The following CTNNA3 variants were observed in gnomAD, a reference collection of about 807,000 sequenced individuals.
The protein encoded by CTNNA3 is catenin alpha-3.
A neutral mutation model predicts 95.7 loss-of-function variants in CTNNA3; 76 were observed. The observed-to-expected ratio is 0.79, with a 90% confidence interval of 0.66 to 0.96. The LOEUF is 0.96. Ranked by LOEUF, CTNNA3 falls within the 40% of genes least tolerant of loss-of-function variation. The probability of loss-of-function intolerance (pLI) is 0.00; values close to 1 mark genes in which losing one functional copy is unlikely to be tolerated. For synonymous variants in CTNNA3, 431 were observed against 374.4 expected, an observed-to-expected ratio of 1.15 and a Z score of -1.74; for missense variants, 1,191 against 1,089.8, an observed-to-expected ratio of 1.09 and a Z score of -1.31.
At chr10:65,984,802 A>T (rs2078393857) in intron 16 of CTNNA3, among the ~76,000 whole-genome samples, 1 of 151,322 alleles carries the variant, frequency 6.6e-6, no homozygotes, top group Admixed American at 6.6e-5. Context: ...TAATACATGT[A>T]AATATGTGTC....
chr10:66,511,730 G>T (rs552502312), intron 11 of CTNNA3, among the ~76,000 whole-genome samples: 1 of 151,754 alleles, frequency 6.6e-6, no homozygotes, highest in Non-Finnish European at 1.5e-5. Context: ...GAGAATACAT[G>T]GTATAATTGC....
chr10:66,150,898 CA>C (rs1428355484), intron 13 of CTNNA3, among the ~76,000 whole-genome samples: 2 of 151,910 alleles, frequency 1.3e-5, no homozygotes, highest in Admixed American at 1.3e-4. Flanking sequence ...TGTAAGTGTA[CA>C]ATACAATTAT....
At chr10:66,484,923 T>C (rs1175586049) in intron 11 of CTNNA3, among the ~76,000 whole-genome samples, 1 of 152,112 alleles carries the variant, frequency 6.6e-6, no homozygotes, top group African/African-American at 2.4e-5. Context: ...GATGCAAGGA[T>C]GATTCAACCT....
At chr10:66,465,603 A>C (rs1838879489) in intron 11 of CTNNA3, among the ~76,000 whole-genome samples, 1 of 152,098 alleles carries the variant, frequency 6.6e-6, no homozygotes, top group South Asian at 2.1e-4. Flanking sequence ...TTACAGCCAA[A>C]TCTCATGTCA....
intron 5 of CTNNA3, among the ~76,000 whole-genome samples, chr10:67,439,281 C>A: frequency 6.6e-6 from 1 of 152,064 alleles, no homozygotes; most frequent in East Asian, 1.9e-4. Flanking sequence ...TAAAGAAATA[C>A]CTGAGGCTGA....
chr10:66,280,895 A>G (rs1284342226), intron 12 of CTNNA3, among the ~76,000 whole-genome samples: 1 of 151,852 alleles, frequency 6.6e-6, no homozygotes, highest in East Asian at 1.9e-4. Context: ...TTAAAAGATT[A>G]TCTTTCTCCT....
chr10:66,528,825 T>C lies in CTNNA3; in HGVS notation c.1375-8052A>G, dbSNP rs181304512. Among the ~76,000 whole-genome samples the C allele has an allele frequency of 5.4e-4, 82 of 152,272 alleles. 1 individual carries two copies. Among genetic ancestry groups the C allele is most frequent in the African/African-American group, 2.0e-3 (82 of 41,552 alleles). ...CAAAGACTGAATTATCTTCTCAGTTTCTACATAGAAAGTGACATTACAAAA... is the reference window on the plus strand; with the variant it reads ...CAAAGACTGAATTATCTTCTCAGTTCCTACATAGAAAGTGACATTACAAAA... On this transcript the variant is annotated intron_variant, in intron 10 of 17. Transcript: ENST00000433211.
At chr10:67,184,898 C>A (rs905075359) in intron 6 of CTNNA3, among the ~76,000 whole-genome samples, 3 of 152,070 alleles carry the variant, frequency 2.0e-5, no homozygotes, top group Non-Finnish European at 4.4e-5. Context: ...AAATAAATCC[C>A]ATTCTGACAT....
chr10:67,662,948 T>G (rs940751406), intron 1 of CTNNA3, among the ~76,000 whole-genome samples: 1 of 152,260 alleles, frequency 6.6e-6, no homozygotes, highest in African/African-American at 2.4e-5. Flanking sequence ...CATTATTTCA[T>G]TCACTATATA....
At chr10:66,996,603 G>A (rs940197577) in intron 7 of CTNNA3, among the ~76,000 whole-genome samples, 23 of 123,696 alleles carry the variant, frequency 1.9e-4, no homozygotes, top group African/African-American at 6.6e-4. Context: ...GGTCAAGATC[G>A]CACCACTGCA....
chr10:67,094,630 A>G (rs1040865072), intron 7 of CTNNA3, among the ~76,000 whole-genome samples: 2 of 151,812 alleles, frequency 1.3e-5, no homozygotes, highest in Non-Finnish European at 2.9e-5. Flanking sequence ...CAAAAGAATA[A>G]ACATACCTTG....
intron 5 of CTNNA3, among the ~76,000 whole-genome samples, chr10:67,345,826 A>G (rs895989575): frequency 2.6e-5 from 4 of 151,938 alleles, no homozygotes; most frequent in African/African-American, 9.7e-5. Flanking sequence ...ATTTACATTC[A>G]ATGTTATTAT....
chr10:66,901,436 A>G (rs554445288), intron 7 of CTNNA3, among the ~76,000 whole-genome samples: 47 of 152,386 alleles, frequency 3.1e-4, no homozygotes, highest in African/African-American at 1.1e-3. Context: ...CAAATTCTAA[A>G]GACCATAGAT....
At chr10:66,066,192 T>C (rs2080309936) in intron 15 of CTNNA3, among the ~76,000 whole-genome samples, 1 of 152,188 alleles carries the variant, frequency 6.6e-6, no homozygotes, top group Admixed American at 6.6e-5. Flanking sequence ...ATAACTATTA[T>C]AGTTCAGGTT....
At chr10:66,901,252 C>A (rs552019374) in intron 7 of CTNNA3, among the ~76,000 whole-genome samples, 47 of 152,292 alleles carry the variant, frequency 3.1e-4, no homozygotes, top group Non-Finnish European at 5.7e-4. Context: ...ATTTTCAACA[C>A]AGAATTTCAT....
chr10:66,015,216 G>A (rs189837203), intron 15 of CTNNA3, among the ~76,000 whole-genome samples: 6 of 152,194 alleles, frequency 3.9e-5, no homozygotes, highest in African/African-American at 9.6e-5. Flanking sequence ...ACATACTTGA[G>A]CTAGAATTCC....
intron 11 of CTNNA3, among the ~76,000 whole-genome samples, chr10:66,498,670 G>A (rs535781224): frequency 6.6e-6 from 1 of 152,200 alleles, no homozygotes; most frequent in East Asian, 1.9e-4. Context: ...TAGCACTGTG[G>A]GAAATGAGCT....
At chr10:66,609,397 T>C (rs527824484) in intron 10 of CTNNA3, among the ~76,000 whole-genome samples, 1 of 147,192 alleles carries the variant, frequency 6.8e-6, no homozygotes, top group East Asian at 2.0e-4. Flanking sequence ...AAGAAACTTA[T>C]ACAAGCTTAC....
intron 7 of CTNNA3, among the ~76,000 whole-genome samples, chr10:67,111,549 T>C (rs1858909825): frequency 6.6e-6 from 1 of 152,174 alleles, no homozygotes; most frequent in South Asian, 2.1e-4. Context: ...TGGTATTCTA[T>C]GAAAGGTCCA....
Sources: allele counts gnomAD v4.1 joint callset (sites outside exome capture counted in the v4.1 genomes callset), GRCh38; gene constraint gnomAD v4.1.1; transcripts MANE v1.5; gene names NCBI Gene and HGNC (gene_info 2026-07-23, HGNC 2026-07-21).